RPL38: variants seen among roughly 807,000 people sequenced by gnomAD.
The protein encoded by RPL38 is ribosomal protein L38, also known as large ribosomal subunit protein eL38.
RPL38 carries 2 observed loss-of-function variants against 12.8 expected under a neutral mutation model. That is an observed-to-expected ratio of 0.16 (90% CI 0.06 to 0.49). The LOEUF is 0.49. Among genes scored for constraint, RPL38 ranks in the 20% least tolerant of loss-of-function variants. RPL38 has a pLI of 0.96. For missense variants in RPL38, 52 were observed against 79.8 expected (o/e 0.65, Z 1.33); for synonymous variants, 42 against 30.1 (o/e 1.39, Z -1.29).
In RPL38 at chr17:74,209,786, T is replaced by C. The variant is rs2050148381; in HGVS notation, c.188-18T>C. The C allele has an allele frequency of 1.9e-6, 3 of 1,611,894 alleles. No homozygotes were observed. Among genetic ancestry groups the C allele is most frequent in the East Asian group, 2.2e-5 (1 of 44,882 alleles). ...GATGTGTCTTCTGGATGGCTTACTT[T>C]TGTCTCTTTCCCTCTAGGTTTGGCA... On this transcript the variant is annotated intron_variant, in intron 4 of 4. Transcript: ENST00000311111.
At chr17:74,204,308 C>A in intron 3 of RPL38, 118 bp downstream of exon 3, 1 of 829,542 alleles carries the variant, frequency 1.2e-6, no homozygotes, top group Non-Finnish European at 2.0e-6. Flanking sequence ...TGTGCCTGGC[C>A]CTCTGGGAGC....
At chr17:74,209,759 C>A (rs2050147834) in intron 4 of RPL38, 45 bp from the exon 5 acceptor site, 1 of 1,582,518 alleles carries the variant, frequency 6.3e-7, no homozygotes, top group Non-Finnish European at 8.7e-7. Context: ...AGCAGCAACT[C>A]AGATGTGTCT....
intron 3 of RPL38, among the ~76,000 whole-genome samples, chr17:74,208,733 A>C (rs2050138141): frequency 6.6e-6 from 1 of 152,220 alleles, no homozygotes; most frequent in Non-Finnish European, 1.5e-5. Flanking sequence ...CCAGAGATTA[A>C]GACCATCCTG....
At chr17:74,205,370 G>A (rs1300211951) in intron 3 of RPL38, 1 of 152,218 alleles carries the variant, frequency 6.6e-6, no homozygotes, top group African/African-American at 2.4e-5. Flanking sequence ...GGCCTGTTAA[G>A]GTGGGCTAAG....
At chr17:74,206,817 A>G (rs1037738331) in intron 3 of RPL38, among the ~76,000 whole-genome samples, 1 of 137,534 alleles carries the variant, frequency 7.3e-6, no homozygotes, top group African/African-American at 2.8e-5. Context: ...GGTTCATGCC[A>G]TTCTCCTGCC....
intron 3 of RPL38, 58 bp downstream of exon 3, chr17:74,204,248 G>T: frequency 6.6e-7 from 1 of 1,507,804 alleles, no homozygotes; most frequent in Non-Finnish European, 9.2e-7. Context: ...ACCGCTCCGG[G>T]AGCGTCTTCC....
In RPL38 at chr17:74,203,900, G is replaced by T. The variant is rs2050084033; in HGVS notation, c.-38-18G>T. 6.3e-7 allele frequency: 1 copy of T among 1,575,434 alleles called. No homozygotes were observed. The highest frequency in any genetic ancestry group is 8.6e-7 in the Non-Finnish European group (1 of 1,158,658). On this transcript the variant is annotated intron_variant, in intron 1 of 4. Coordinates refer to ENST00000311111, the MANE Select transcript of RPL38 (RefSeq NM_000999.4). ...CCAGCCCCCGCGCCGTGTTAACGCC[G>T]AGGACTGTTTCCCGCAGGTCCTGGT...
At chr17:74,204,493 C>T (rs1238090000) in intron 3 of RPL38, 1 of 420,952 alleles carries the variant, frequency 2.4e-6, no homozygotes, top group South Asian at 2.4e-5. Context: ...GCGAAAGCCT[C>T]AAAACACACG....
At chr17:74,204,066 A>ACT (rs1207069946) in intron 2 of RPL38, 64 bp from the exon 3 acceptor site, 1 of 1,610,860 alleles carries the variant, frequency 6.2e-7, no homozygotes, top group Non-Finnish European at 8.5e-7. Flanking sequence ...AAGCTGGTGG[A>ACT]CTGGGCCATC....
chr17:74,204,355 G>T (rs562615575), intron 3 of RPL38, 165 bp downstream of exon 3: 1 of 631,698 alleles, frequency 1.6e-6, no homozygotes, highest in Admixed American at 2.9e-5. Flanking sequence ...AAAGACCTGT[G>T]GGGGGCACGT....
At chr17:74,209,346 G>A in intron 4 of RPL38, 37 bp downstream of exon 4, 1 of 1,605,990 alleles carries the variant, frequency 6.2e-7, no homozygotes, top group Admixed American at 1.7e-5. Flanking sequence ...GGCGGGTGGG[G>A]TTTGGAAGGT....
intron 3 of RPL38, among the ~76,000 whole-genome samples, chr17:74,207,525 TTTTA>T (rs913064078): frequency 3.3e-5 from 5 of 151,668 alleles, no homozygotes. Context: ...TAAACTTTTT[TTTTA>T]TTTATTTTTT....
At chr17:74,206,906 C>T (rs549184575) in intron 3 of RPL38, among the ~76,000 whole-genome samples, 6 of 150,170 alleles carry the variant, frequency 4.0e-5, no homozygotes, top group East Asian at 1.9e-4. Flanking sequence ...AAAGTAGAGA[C>T]GGGGTTTCAC....
At chr17:74,208,340 G>C (rs926334445) in intron 3 of RPL38, among the ~76,000 whole-genome samples, 1 of 152,192 alleles carries the variant, frequency 6.6e-6, no homozygotes, top group Non-Finnish European at 1.5e-5. Context: ...AGTGGTGCAC[G>C]ATTCAAACCC....
At position 74,204,176 on chromosome 17, in the gene RPL38, G is replaced by A; in HGVS notation, c.50G>A (p.Arg17Gln). ...EIKDFLLTAR[R>Q]KDAKSVKIKK... is the part of the protein sequence containing the mutation. ...AAGGACTTCCTGCTCACAGCCCGACGAAAGGATGCCAAATGTAAGTGGTTG... is the reference window on the plus strand; with the variant it reads ...AAGGACTTCCTGCTCACAGCCCGACAAAAGGATGCCAAATGTAAGTGGTTG... The change falls in exon 3 of 5, where the codon CGA becomes CAA. Residue 17 changes from arginine (R) to glutamine (Q), a missense_variant. Transcript: ENST00000311111. 1.2e-6 allele frequency: 2 copies of A among 1,614,160 alleles called. No homozygotes were observed. Among genetic ancestry groups the A allele is most frequent in the Non-Finnish European group, 1.7e-6 (2 of 1,180,022 alleles).
Position 74,209,831 on chromosome 17 carries a change from C to A in RPL38, c.*2C>A. 1 of 1,609,596 alleles carries A rather than the reference C, an allele frequency of 6.2e-7. No homozygotes were observed. Among genetic ancestry groups the A allele is most frequent in the Non-Finnish European group, 8.5e-7 (1 of 1,175,952 alleles). On this transcript the variant is annotated 3_prime_UTR_variant, in exon 5 of 5. Coordinates refer to ENST00000311111, the MANE Select transcript of RPL38 (RefSeq NM_000999.4). ...TTGGCAGTGAAGGAACTGAAATGAA[C>A]CAGACACACTGATTGGAACTGTATT...
chr17:74,208,859 C>A (rs959138109), intron 3 of RPL38, among the ~76,000 whole-genome samples: 1 of 152,192 alleles, frequency 6.6e-6, no homozygotes, highest in Non-Finnish European at 1.5e-5. Context: ...TCGCTTGAAC[C>A]TGGGAGGCGG....
intron 3 of RPL38, among the ~76,000 whole-genome samples, chr17:74,206,799 G>A (rs1368535019): frequency 7.6e-6 from 1 of 131,660 alleles, no homozygotes; most frequent in Non-Finnish European, 1.5e-5. Context: ...TGCAAGCTCC[G>A]CCTCCCAGGT....
intron 3 of RPL38, among the ~76,000 whole-genome samples, chr17:74,208,614 TACTTTATC>T (rs1180215092): frequency 6.6e-6 from 1 of 152,122 alleles, no homozygotes; most frequent in East Asian, 1.9e-4. Context: ...CCCGTCTCCT[TACTTTATC>T]ACTGCTTCTA....
Sources: gnomAD v4.1 joint callset for allele counts (sites outside exome capture counted in the v4.1 genomes callset) on GRCh38, gnomAD v4.1.1 for gene constraint, MANE v1.5 for transcripts, NCBI Gene and HGNC (gene_info 2026-07-23, HGNC 2026-07-21) for gene names.